GRIK2: variants seen among roughly 807,000 people sequenced by gnomAD.
GRIK2 encodes the protein glutamate receptor ionotropic, kainate 2.
Under a neutral mutation model 100.3 loss-of-function variants are expected in GRIK2, and 32 were observed. That is an observed-to-expected ratio of 0.32 (90% CI 0.24 to 0.43). GRIK2 has a LOEUF of 0.43. GRIK2 is among the 20% of genes least tolerant of loss of function. The pLI, the probability that GRIK2 is intolerant of heterozygous loss-of-function variation, is 1.00. For missense variants in GRIK2, 843 were observed against 1,114.9 expected (o/e 0.76, Z 3.47); for synonymous variants, 417 against 389.4 (o/e 1.07, Z -0.83).
intron 14 of GRIK2, among the ~76,000 whole-genome samples, chr6:101,966,246 A>T (rs533410711): frequency 2.0e-5 from 3 of 152,306 alleles, no homozygotes; most frequent in African/African-American, 4.8e-5. Flanking sequence ...GGAAGAAAAC[A>T]ATTTATTTAG....
At chr6:101,459,943 G>C (rs1256039547) in intron 2 of GRIK2, among the ~76,000 whole-genome samples, 1 of 152,102 alleles carries the variant, frequency 6.6e-6, no homozygotes, top group Non-Finnish European at 1.5e-5. Flanking sequence ...TTGCAGTAGA[G>C]ACAGGGTTTC....
intron 14 of GRIK2, among the ~76,000 whole-genome samples, chr6:102,003,222 C>A (rs1795039567): frequency 6.6e-6 from 1 of 151,412 alleles, no homozygotes; most frequent in Non-Finnish European, 1.5e-5. Context: ...TTCCATTTAT[C>A]CTATGTTTAT....
chr6:101,925,830 A>G (rs1388322576), intron 13 of GRIK2, among the ~76,000 whole-genome samples: 1 of 152,146 alleles, frequency 6.6e-6, no homozygotes, highest in East Asian at 1.9e-4. Flanking sequence ...GCATCGTGCT[A>G]TTGCATGTTT....
Position 101,914,210 on chromosome 6 carries a change from A to G in GRIK2, c.1749-10391A>G, listed in dbSNP as rs552286352. 2.0e-5 allele frequency among the ~76,000 whole-genome samples: 3 copies of G among 151,576 alleles called. No homozygotes were observed. The South Asian group carries it at 6.2e-4, about 31-fold the overall frequency. On this transcript the variant is annotated intron_variant, in intron 12 of 16. Transcript: ENST00000369134. ...CTAGATGTGGATATTTAAGAAAAAG[A>G]TAGATGATTTTAAGAATTCTAATCT... is the stretch of plus-strand genomic sequence containing the variant.
chr6:101,763,581 T>C (rs1777862868), intron 7 of GRIK2, among the ~76,000 whole-genome samples: 1 of 152,230 alleles, frequency 6.6e-6, no homozygotes, highest in East Asian at 1.9e-4. Flanking sequence ...ATTCATCTCA[T>C]GCCATTAAAT....
intron 14 of GRIK2, among the ~76,000 whole-genome samples, chr6:101,997,913 T>C (rs1295895072): frequency 2.0e-5 from 3 of 152,102 alleles, no homozygotes; most frequent in African/African-American, 4.8e-5. Context: ...ACTAAAAAAA[T>C]CTGCTTTATT....
chr6:102,048,414 A>C (rs1010313502), intron 15 of GRIK2, among the ~76,000 whole-genome samples: 4 of 152,128 alleles, frequency 2.6e-5, no homozygotes, highest in African/African-American at 7.2e-5. Flanking sequence ...TAATAGTGCG[A>C]AGGGACAACC....
chr6:101,612,724 G>A (rs1011684965), intron 2 of GRIK2, among the ~76,000 whole-genome samples: 4 of 105,976 alleles, frequency 3.8e-5, no homozygotes, highest in African/African-American at 1.9e-4. Context: ...TAATGTGTGT[G>A]TGTGTGTGTG....
At chr6:101,854,325 T>G (rs1465350304) in intron 10 of GRIK2, among the ~76,000 whole-genome samples, 1 of 152,174 alleles carries the variant, frequency 6.6e-6, no homozygotes, top group African/African-American at 2.4e-5. Flanking sequence ...AATGGCACAA[T>G]CTCGGCTCAC....
At chr6:102,019,578 C>CCTAA (rs1431073001) in intron 14 of GRIK2, among the ~76,000 whole-genome samples, 1 of 151,984 alleles carries the variant, frequency 6.6e-6, no homozygotes. Flanking sequence ...CTTCAGCTTT[C>CCTAA]CTAACTGTAT....
chr6:102,065,787 G>A (rs777863996), intron 16 of GRIK2: 2 of 1,498,076 alleles, frequency 1.3e-6, no homozygotes, highest in South Asian at 1.2e-5. Context: ...TCTGTTAAAT[G>A]TTTCAACAGA....
chr6:102,017,226 T>A (rs754664180), intron 14 of GRIK2, among the ~76,000 whole-genome samples: 3 of 152,008 alleles, frequency 2.0e-5, no homozygotes, highest in Non-Finnish European at 4.4e-5. Context: ...ACTGAAAACA[T>A]GATGACAATA....
At chr6:101,964,990 G>A (rs1020344452) in intron 14 of GRIK2, among the ~76,000 whole-genome samples, 3 of 151,958 alleles carry the variant, frequency 2.0e-5, no homozygotes, top group Admixed American at 6.6e-5. Context: ...GGAAGTAGCC[G>A]GAAAATGGAT....
chr6:101,735,087 T>A (rs1222186109), intron 7 of GRIK2, among the ~76,000 whole-genome samples: 1 of 151,260 alleles, frequency 6.6e-6, no homozygotes, highest in Non-Finnish European at 1.5e-5. Flanking sequence ...AAGAAGGAAG[T>A]TTTATAGGAA....
chr6:101,789,386 G>T (rs148502184), intron 7 of GRIK2, among the ~76,000 whole-genome samples: 17,390 of 152,042 alleles, frequency 0.11, 1,082 homozygotes, highest in Admixed American at 0.16. Flanking sequence ...TTTTGTATAA[G>T]GTGTAAGGAA....
intron 2 of GRIK2, among the ~76,000 whole-genome samples, chr6:101,550,670 G>C (rs1204984197): frequency 6.6e-6 from 1 of 152,142 alleles, no homozygotes; most frequent in Non-Finnish European, 1.5e-5. Context: ...TTACAGTGGG[G>C]AATTAAATAT....
intron 4 of GRIK2, among the ~76,000 whole-genome samples, chr6:101,668,462 A>G (rs945624293): frequency 6.6e-6 from 1 of 152,198 alleles, no homozygotes; most frequent in South Asian, 2.1e-4. Flanking sequence ...CATATGCACT[A>G]TTTAGTTAGC....
In GRIK2 at chr6:101,595,712, G is replaced by GTATATATATATATA. The variant is rs1162539380; in HGVS notation, c.116-26236_116-26235insATATATATATATAT. ...TGTATATATATATGTGTGTGTGTGT[G>GTATATATATATATA]TGTGTGTATATATATATATATATAT... On this transcript the variant is annotated intron_variant, in intron 2 of 16. Coordinates refer to ENST00000369134, the MANE Select transcript of GRIK2 (RefSeq NM_021956.5). 2.2e-3 allele frequency among the ~76,000 whole-genome samples: 285 copies of GTATATATATATATA among 131,364 alleles called. 2 individuals carry two copies. Among genetic ancestry groups the GTATATATATATATA allele is most frequent in the East Asian group, 7.9e-3 (32 of 4,038 alleles). The allele number at this position is 131,364 out of a possible 152,430, so 86.2% of individuals were successfully genotyped here. A position where few individuals can be genotyped will look rare whatever the true frequency, so the allele number is the denominator to read the frequency against.
At chr6:101,750,247 A>C (rs1358111213) in intron 7 of GRIK2, among the ~76,000 whole-genome samples, 1 of 152,170 alleles carries the variant, frequency 6.6e-6, no homozygotes, top group African/African-American at 2.4e-5. Context: ...CAAGTTGGCC[A>C]GTGTTACACA....
Sources: gnomAD v4.1 joint callset for allele counts (sites outside exome capture counted in the v4.1 genomes callset) on GRCh38, gnomAD v4.1.1 for gene constraint, MANE v1.5 for transcripts, NCBI Gene and HGNC (gene_info 2026-07-23, HGNC 2026-07-21) for gene names.